RAPGEF2: variants seen among roughly 807,000 people sequenced by gnomAD.
The protein encoded by RAPGEF2 is Rap guanine nucleotide exchange factor 2, also known as PDZ domain containing guanine nucleotide exchange factor (GEF) 1.
Under a neutral mutation model 186.7 loss-of-function variants are expected in RAPGEF2, and 54 were observed. That is an observed-to-expected ratio of 0.29 (90% CI 0.23 to 0.36). RAPGEF2 has a LOEUF of 0.36. Ranked by LOEUF, RAPGEF2 falls within the 10% of genes least tolerant of loss-of-function variation. RAPGEF2 has a pLI of 1.00. For missense variants in RAPGEF2, 1,532 were observed against 2,045.0 expected (o/e 0.75, Z 4.84); for synonymous variants, 712 against 705.9 (o/e 1.01, Z -0.14).
intron 17 of RAPGEF2, among the ~76,000 whole-genome samples, chr4:159,336,606 T>C (rs2111234235): frequency 6.6e-6 from 1 of 152,348 alleles, no homozygotes; most frequent in East Asian, 1.9e-4. Flanking sequence ...GTTTTTGCAG[T>C]TGTGAATTGT....
Position 159,355,961 on chromosome 4 carries a change from C to T in RAPGEF2, c.4760C>T (p.Pro1587Leu), listed in dbSNP as rs1392830977. 3 of 1,611,694 alleles carry T rather than the reference C, an allele frequency of 1.9e-6. No individual in the cohort carries two copies. Among genetic ancestry groups the T allele is most frequent in the African/African-American group, 1.3e-5 (1 of 74,680 alleles). ...EGHSHPARKP[P>L]DYNVALQRSR... ...CACTCCCATCCAGCCAGGAAACCGC[C>T]GGACTACAACGTGGCCCTTCAGAGA... Residue 1587 changes from proline to leucine, a missense_variant, in exon 29 of 30, where the codon CCG (proline) becomes CTG (leucine). Pro to Leu is a moderately conservative substitution (Grantham distance 98). Coordinates refer to ENST00000691494, the MANE Select transcript of RAPGEF2 (RefSeq NM_001394067.2).
At chr4:159,308,246 T>G (rs1763544151) in intron 8 of RAPGEF2, among the ~76,000 whole-genome samples, 1 of 152,172 alleles carries the variant, frequency 6.6e-6, no homozygotes, top group African/African-American at 2.4e-5. Flanking sequence ...TTCAGTTGCT[T>G]AAGTGTCAAA....
chr4:159,213,530 A>G (rs1370110400), intron 4 of RAPGEF2, among the ~76,000 whole-genome samples: 1 of 152,210 alleles, frequency 6.6e-6, no homozygotes, highest in East Asian at 1.9e-4. Context: ...ATTCTTATGA[A>G]ATTGTTTTGA....
At chr4:159,126,527 G>GT (rs35340164) in intron 1 of RAPGEF2, among the ~76,000 whole-genome samples, 26,586 of 148,576 alleles carry the variant, frequency 0.18, 2,375 homozygotes, top group Admixed American at 0.24. Context: ...TCCTGTCCAG[G>GT]TTTTAAAAAA....
intron 7 of RAPGEF2, among the ~76,000 whole-genome samples, chr4:159,261,350 C>A (rs1217502024): frequency 1.3e-5 from 2 of 152,074 alleles, no homozygotes; most frequent in Non-Finnish European, 2.9e-5. Flanking sequence ...GCGTGAGCCA[C>A]CGCATCCAGC....
chr4:159,209,261 T>C (rs1444503605), intron 3 of RAPGEF2, among the ~76,000 whole-genome samples: 1 of 149,562 alleles, frequency 6.7e-6, no homozygotes, highest in Admixed American at 6.6e-5. Flanking sequence ...AGTTAAAAGT[T>C]ATGAAGTGAT....
chr4:159,256,351 A>G (rs904462277), intron 7 of RAPGEF2, among the ~76,000 whole-genome samples: 1 of 152,198 alleles, frequency 6.6e-6, no homozygotes, highest in African/African-American at 2.4e-5. Context: ...TTCTAGCTCC[A>G]TCCATGTCTC....
chr4:159,337,889 CAAAA>C (rs553291521), intron 17 of RAPGEF2, among the ~76,000 whole-genome samples: 75 of 32,570 alleles, frequency 2.3e-3, no homozygotes, highest in African/African-American at 4.0e-3. Flanking sequence ...GACTCCATCT[CAAAA>C]AAAAAAAAAA....
At chr4:159,213,608 T>C (rs995297434) in intron 4 of RAPGEF2, among the ~76,000 whole-genome samples, 22 of 152,256 alleles carry the variant, frequency 1.4e-4, no homozygotes, top group Admixed American at 2.6e-4. Context: ...CTTCCAGATT[T>C]AATTAGCCTT....
intron 7 of RAPGEF2, among the ~76,000 whole-genome samples, chr4:159,281,753 CTGTGTGTGTTTG>C (rs1167611940): frequency 1.3e-5 from 2 of 150,842 alleles, no homozygotes; most frequent in Admixed American, 6.6e-5. Flanking sequence ...ATTAAGTGCT[CTGTGTGTGTTTG>C]TGTGTGTGAT....
chr4:159,320,544 T>C (rs529914250), intron 9 of RAPGEF2, among the ~76,000 whole-genome samples: 1 of 152,298 alleles, frequency 6.6e-6, no homozygotes, highest in African/African-American at 2.4e-5. Context: ...CACTGTCCTA[T>C]TGGACAGAAT....
chr4:159,219,497 A>G (rs1751320128), intron 4 of RAPGEF2, among the ~76,000 whole-genome samples: 1 of 151,708 alleles, frequency 6.6e-6, no homozygotes, highest in African/African-American at 2.4e-5. Context: ...CTGGGACTAC[A>G]GGCACCCGCC....
intron 7 of RAPGEF2, among the ~76,000 whole-genome samples, chr4:159,284,957 G>A (rs1760265688): frequency 1.3e-5 from 2 of 152,242 alleles, no homozygotes; most frequent in East Asian, 3.9e-4. Context: ...AGAGACTGAA[G>A]TAGGAGGATC....
intron 25 of RAPGEF2, 66 bp from the exon 26 acceptor site, chr4:159,350,071 T>C: frequency 8.5e-7 from 1 of 1,176,632 alleles, no homozygotes; most frequent in Non-Finnish European, 1.2e-6. Flanking sequence ...AAGTTTTTTA[T>C]TCATAAATGG....
chr4:159,269,453 A>C (rs1757832336), intron 7 of RAPGEF2, among the ~76,000 whole-genome samples: 2 of 152,004 alleles, frequency 1.3e-5, no homozygotes, highest in African/African-American at 2.4e-5. Context: ...CCCTAAACTT[A>C]ATTTCACTAG....
chr4:159,177,278 GATAT>G (rs1294068537), intron 1 of RAPGEF2, among the ~76,000 whole-genome samples: 8 of 148,066 alleles, frequency 5.4e-5, no homozygotes, highest in Non-Finnish European at 8.9e-5. Context: ...TAAAAATTCT[GATAT>G]ATATAGTGTC....
intron 11 of RAPGEF2, among the ~76,000 whole-genome samples, chr4:159,325,478 A>G (rs1765796332): frequency 6.6e-6 from 1 of 152,168 alleles, no homozygotes; most frequent in South Asian, 2.1e-4. Flanking sequence ...ACAAGCTAGC[A>G]AATTGTTAAA....
rs1766846529 is a variant in RAPGEF2, at chr4:159,332,656, C to T, written c.2094C>T (p.Leu698=). ...VGGRNKLKKI[L]DKTRISILPQ... ...GAAGGAACAAGCTGAAAAAGATACT[C>T]GACAAGACTCGGATCAGTATCTTGC... Residue 698 remains leucine (L), a synonymous_variant, in exon 17 of 30, where the codon CTC becomes CTT. Coordinates refer to ENST00000691494, the MANE Select transcript of RAPGEF2 (RefSeq NM_001394067.2). 2 of 1,614,044 alleles carry T rather than the reference C, an allele frequency of 1.2e-6. No individual in the cohort carries two copies. The highest frequency in any genetic ancestry group is 1.3e-5 in the African/African-American group (1 of 75,028).
chr4:159,343,369 A>C lies in RAPGEF2; in HGVS notation c.3219A>C (p.Ser1073=). The C allele has an allele frequency of 6.2e-7, 1 of 1,614,124 alleles. No homozygotes were observed. The highest frequency in any genetic ancestry group is 1.1e-5 in the South Asian group (1 of 91,076). ...KEIRHVGRMA[S]VNMDPALMFR... is the part of the protein sequence containing the mutation. ...TTCGTCACGTTGGCCGAATGGCTTC[A>C]GTGAACATGGACCCTGCCCTCATGT... Residue 1073 remains serine (S), a synonymous_variant, in exon 22 of 30, where the codon TCA becomes TCC. Transcript: ENST00000691494.
Sources: allele counts gnomAD v4.1 joint callset (sites outside exome capture counted in the v4.1 genomes callset), GRCh38; gene constraint gnomAD v4.1.1; transcripts MANE v1.5; gene names NCBI Gene and HGNC (gene_info 2026-07-23, HGNC 2026-07-21).